The following CDK14 variants were observed in gnomAD, a reference collection of about 807,000 sequenced individuals.
CDK14 encodes cyclin dependent kinase 14, also known as cyclin-dependent kinase 14.
CDK14 carries 34 observed loss-of-function variants against 60.7 expected under a neutral mutation model. The ratio of observed to expected loss-of-function variants is 0.56; its 90% CI spans 0.43 to 0.75. The LOEUF (loss-of-function observed/expected upper bound fraction) is 0.75. CDK14 is among the 30% of genes least tolerant of loss of function. The pLI is 0.00. For synonymous variants in CDK14, 197 were observed against 203.7 expected (o/e 0.97, Z 0.28); for missense variants, 482 against 564.1 (o/e 0.85, Z 1.47).
intron 14 of CDK14, among the ~76,000 whole-genome samples, chr7:91,184,035 TA>T (rs1217896028): frequency 6.6e-6 from 1 of 151,960 alleles, no homozygotes; most frequent in African/African-American, 2.4e-5. Flanking sequence ...CTGTCTCTAC[TA>T]AAAAATTTTT....
chr7:90,621,535 TA>T (rs1358600988), intron 2 of CDK14, among the ~76,000 whole-genome samples: 2 of 152,256 alleles, frequency 1.3e-5, no homozygotes, highest in Non-Finnish European at 2.9e-5. Context: ...AGGTGCTGAA[TA>T]AAAGTTGCTT....
intron 5 of CDK14, among the ~76,000 whole-genome samples, chr7:90,792,408 T>G (rs1393688644): frequency 1.3e-5 from 2 of 152,184 alleles, no homozygotes; most frequent in Non-Finnish European, 2.9e-5. Flanking sequence ...CACTACCAAC[T>G]GAGATTCATT....
In CDK14 at chr7:90,897,269, C is replaced by G. The variant is rs984812031; in HGVS notation, c.640-2022C>G. Among the ~76,000 whole-genome samples the G allele has an allele frequency of 3.3e-5, 5 of 151,748 alleles. No individual in the cohort carries two copies. In the South Asian group the frequency reaches 1.0e-3, roughly 32 times the overall value. On this transcript the variant is annotated intron_variant, in intron 6 of 14. Coordinates refer to ENST00000380050, the MANE Select transcript of CDK14 (RefSeq NM_001287135.2). ...GTATAAATAAACATTTATTTTCAGA[C>G]TTTCTGGATTTTTGGTATTTATTGT...
intron 10 of CDK14, among the ~76,000 whole-genome samples, chr7:91,017,960 G>C (rs1008078168): frequency 1.3e-5 from 2 of 152,214 alleles, no homozygotes; most frequent in African/African-American, 4.8e-5. Context: ...GCATCAGACA[G>C]AGGTTGTGCT....
At chr7:91,032,635 C>T (rs921898140) in intron 10 of CDK14, among the ~76,000 whole-genome samples, 12 of 152,116 alleles carry the variant, frequency 7.9e-5, no homozygotes, top group Admixed American at 4.6e-4. Context: ...TGCCAGCACC[C>T]ACCAGAAGCT....
intron 8 of CDK14, among the ~76,000 whole-genome samples, chr7:90,930,971 A>G (rs1037727388): frequency 1.3e-5 from 2 of 152,232 alleles, no homozygotes; most frequent in South Asian, 2.1e-4. Flanking sequence ...AGATCATATC[A>G]TATGACTTCT....
chr7:91,063,481 CAAT>C (rs1453075130), intron 11 of CDK14, among the ~76,000 whole-genome samples: 1 of 152,188 alleles, frequency 6.6e-6, no homozygotes, highest in Non-Finnish European at 1.5e-5. Flanking sequence ...AGCTAACAAA[CAAT>C]AATACTCCCA....
Position 91,176,982 on chromosome 7 carries a change from C to A in CDK14, c.*29-30183C>A, listed in dbSNP as rs866959469. On this transcript the variant is annotated intron_variant, in intron 14 of 14. Coordinates refer to ENST00000380050, the MANE Select transcript of CDK14 (RefSeq NM_001287135.2). ...TATGAGGCCAGCATCATTCTGATAC[C>A]AAAGCCAGGCAGAGACACAACCAAA... 3.0e-3 allele frequency among the ~76,000 whole-genome samples: 454 copies of A among 151,850 alleles called. 2 individuals are homozygous for A. The highest frequency in any genetic ancestry group is 0.011 in the African/African-American group (436 of 41,436).
At chr7:91,175,790 A>T (rs1348432033) in intron 14 of CDK14, among the ~76,000 whole-genome samples, 45 of 147,034 alleles carry the variant, frequency 3.1e-4, no homozygotes, top group Non-Finnish European at 6.2e-4. Flanking sequence ...CCAATACAGG[A>T]GCACCCAGAT....
chr7:91,152,039 T>C (rs371084385), intron 14 of CDK14, among the ~76,000 whole-genome samples: 127 of 152,336 alleles, frequency 8.3e-4, no homozygotes, highest in African/African-American at 3.0e-3. Flanking sequence ...CCAATGGGCT[T>C]GGTTGGCTTT....
intron 5 of CDK14, among the ~76,000 whole-genome samples, chr7:90,856,763 T>G (rs1050869239): frequency 6.6e-6 from 1 of 152,190 alleles, no homozygotes; most frequent in Non-Finnish European, 1.5e-5. Flanking sequence ...TTTTACTATT[T>G]GTAGTAAAAG....
At chr7:90,996,892 A>G (rs1795701147) in intron 10 of CDK14, among the ~76,000 whole-genome samples, 1 of 152,214 alleles carries the variant, frequency 6.6e-6, no homozygotes, top group South Asian at 2.1e-4. Context: ...AGCAAATGTC[A>G]GTATTGTCAT....
intron 2 of CDK14, among the ~76,000 whole-genome samples, chr7:90,636,681 G>A (rs372739284): frequency 1.7e-4 from 26 of 152,026 alleles, no homozygotes; most frequent in Non-Finnish European, 3.2e-4. Flanking sequence ...CTCTTTTTCT[G>A]TTGATTGGAA....
chr7:90,992,560 A>G (rs7799543), intron 10 of CDK14, among the ~76,000 whole-genome samples: 4,328 of 152,274 alleles, frequency 0.028, 198 homozygotes, highest in African/African-American at 0.098. Context: ...CTTAAGTGCT[A>G]TTCTGAGAGA....
intron 5 of CDK14, among the ~76,000 whole-genome samples, chr7:90,821,193 C>T (rs948880943): frequency 6.6e-6 from 1 of 152,056 alleles, no homozygotes; most frequent in African/African-American, 2.4e-5. Flanking sequence ...TCCCTGGAAA[C>T]CTATGTTGCA....
intron 9 of CDK14, among the ~76,000 whole-genome samples, chr7:90,960,266 A>G (rs2117586009): frequency 6.6e-6 from 1 of 152,258 alleles, no homozygotes; most frequent in African/African-American, 2.4e-5. Context: ...GGTGGGTAAA[A>G]TATATAGTAG....
chr7:91,052,205 G>T (rs910434971), intron 11 of CDK14, among the ~76,000 whole-genome samples: 4 of 152,174 alleles, frequency 2.6e-5, no homozygotes, highest in African/African-American at 9.7e-5. Flanking sequence ...ATCTAGTCTG[G>T]CTTTCTTCTT....
chr7:91,077,497 CAG>C (rs1584023979), intron 11 of CDK14, among the ~76,000 whole-genome samples: 1 of 151,102 alleles, frequency 6.6e-6, no homozygotes, highest in Non-Finnish European at 1.5e-5. Flanking sequence ...GTTGGGGAGT[CAG>C]GGGGCGAGGG....
chr7:91,034,795 GTA>G (rs1796865828), intron 10 of CDK14, among the ~76,000 whole-genome samples: 1 of 152,128 alleles, frequency 6.6e-6, no homozygotes, highest in Non-Finnish European at 1.5e-5. Context: ...CATCAAGCCT[GTA>G]TGTTACTGCC....
Sources: allele counts gnomAD v4.1 joint callset (sites outside exome capture counted in the v4.1 genomes callset), GRCh38; gene constraint gnomAD v4.1.1; transcripts MANE v1.5; gene names NCBI Gene and HGNC (gene_info 2026-07-23, HGNC 2026-07-21).